Variants in NAMPT observed in about 807,000 individuals in gnomAD.
NAMPT encodes NAmPRTase.
NAMPT carries 7 observed loss-of-function variants against 58.7 expected under a neutral mutation model. The observed-to-expected ratio is 0.12, with a 90% CI of 0.07 to 0.22. The LOEUF is 0.22. NAMPT is among the 10% of genes least tolerant of loss of function. The pLI is 1.00. For missense variants in NAMPT, 271 were observed against 567.9 expected, an observed-to-expected ratio of 0.48 and a Z score of 5.31; for synonymous variants, 145 against 198.1, an observed-to-expected ratio of 0.73 and a Z score of 2.25.
At position 106,253,008 on chromosome 7, in the gene NAMPT, G is replaced by A; in HGVS notation, c.1365+9C>T. ...TTGCTTAAAAAAACCAATCAGCATA[G>A]ATACATACCTGACCATATTCCTCAA... On this transcript the variant is annotated intron_variant, in intron 10 of 10. Transcript: ENST00000222553. 2 of 1,612,218 alleles carry A rather than the reference G, an allele frequency of 1.2e-6. No individual in the cohort carries two copies. Among genetic ancestry groups the A allele is most frequent in the Non-Finnish European group, 1.7e-6 (2 of 1,178,950 alleles).
At chr7:106,251,258 A>C in intron 10 of NAMPT, 65 bp from the exon 11 acceptor site, 1 of 1,065,648 alleles carries the variant, frequency 9.4e-7, no homozygotes. Flanking sequence ...TCCTGGTTTG[A>C]TGAATTAGAC....
At chr7:106,262,839 T>C (rs1488901957) in intron 7 of NAMPT, among the ~76,000 whole-genome samples, 2 of 152,128 alleles carry the variant, frequency 1.3e-5, no homozygotes, top group African/African-American at 4.8e-5. Flanking sequence ...AATATTTTTC[T>C]AGTAGTAGGC....
chr7:106,277,196 A>G lies in NAMPT; in HGVS notation c.58-17T>C, dbSNP rs776932539. The G allele has an allele frequency of 6.3e-7, 1 of 1,598,226 alleles. No individual in the cohort carries two copies. Among genetic ancestry groups the G allele is most frequent in the South Asian group, 1.1e-5 (1 of 90,078 alleles). ...GTGAGTAACCTATGTAAAGAAATAC[A>G]CTTCTGTTAGAAAACACCGATGAGT... On this transcript the variant is annotated splice_polypyrimidine_tract_variant and intron_variant, in intron 1 of 10. Transcript: ENST00000222553.
chr7:106,256,250 A>G (rs537732794), intron 8 of NAMPT, among the ~76,000 whole-genome samples: 2 of 152,348 alleles, frequency 1.3e-5, no homozygotes, highest in South Asian at 4.1e-4. Flanking sequence ...GTCCAACACA[A>G]AAGATATTTT....
chr7:106,261,744 A>C, intron 7 of NAMPT, 37 bp from the exon 8 acceptor site: 1 of 1,582,318 alleles, frequency 6.3e-7, no homozygotes. Context: ...CAAATAACTA[A>C]AGCTGAAAAC....
intron 6 of NAMPT, among the ~76,000 whole-genome samples, chr7:106,265,358 T>C (rs868783732): frequency 7.9e-5 from 12 of 152,118 alleles, no homozygotes; most frequent in South Asian, 4.1e-4. Flanking sequence ...CCATGACACC[T>C]GAATTTTCCT....
chr7:106,281,198 T>G (rs1792757164), intron 1 of NAMPT, among the ~76,000 whole-genome samples: 1 of 151,836 alleles, frequency 6.6e-6, no homozygotes, highest in Non-Finnish European at 1.5e-5. Flanking sequence ...TAAATATCCT[T>G]GTTCCAAGTA....
At chr7:106,284,753 GC>G (rs1792836714) in intron 1 of NAMPT, 74 bp downstream of exon 1, 4 of 151,114 alleles carry the variant, frequency 2.6e-5, no homozygotes, top group Non-Finnish European at 4.3e-5. Flanking sequence ...AGCCCCAGCC[GC>G]CCCCGCCCCC....
intron 8 of NAMPT, among the ~76,000 whole-genome samples, 163 bp from the exon 9 acceptor site, chr7:106,254,667 C>T (rs1177507188): frequency 6.6e-6 from 1 of 152,060 alleles, no homozygotes; most frequent in African/African-American, 2.4e-5. Flanking sequence ...ACCCACCCAC[C>T]CCCAAAAGAT....
rs1792074962 is a variant in NAMPT at position 106,249,664 on chromosome 7, G to C, written c.*1419C>G. 1 of 152,006 alleles carries C rather than the reference G, an allele frequency of 6.6e-6. No individual in the cohort carries two copies. The highest frequency in any genetic ancestry group is 2.4e-5 in the African/African-American group (1 of 41,406). 9.4% of individuals were successfully genotyped at this position (152,006 alleles called of 1,614,324 possible). ...ATTTTGGGCTTTGCGATTCTCATTT[G>C]GCTTCTATTGCAGCTGTTTACCTTA... On this transcript the variant is annotated 3_prime_UTR_variant, in exon 11 of 11. Transcript: ENST00000222553.
Position 106,268,647 on chromosome 7 carries a change from C to T in NAMPT, c.607-47G>A, listed in dbSNP as rs202028470. Reference sequence around the variant, plus strand: ...AAAATCCAAAACAGAAAGAAACCCACATTAATAATACCAGGATGCAGCCAA... The same window carrying T: ...AAAATCCAAAACAGAAAGAAACCCATATTAATAATACCAGGATGCAGCCAA... On this transcript the variant is annotated intron_variant, in intron 5 of 10. Coordinates refer to ENST00000222553, the MANE Select transcript of NAMPT (RefSeq NM_005746.3). The T allele has an allele frequency of 1.7e-4, 238 of 1,395,926 alleles. 1 individual carries two copies. Among genetic ancestry groups the T allele is most frequent in the Middle Eastern group, 1.8e-4 (1 of 5,616 alleles). 86.5% of individuals were successfully genotyped at this position (1,395,926 alleles called of 1,614,324 possible).
chr7:106,274,122 A>G (rs1479704623), intron 3 of NAMPT, among the ~76,000 whole-genome samples: 1 of 150,580 alleles, frequency 6.6e-6, no homozygotes, highest in African/African-American at 2.5e-5. Flanking sequence ...TATAAATATA[A>G]TACAATCAAG....
upstream of NAMPT, chr7:106,285,333 C>G (rs529664046): frequency 6.2e-5 from 29 of 470,304 alleles, no homozygotes; most frequent in African/African-American, 1.1e-4. Context: ...TTCGAGTTCC[C>G]GGCACGGGCG....
At chr7:106,282,952 CA>C (rs1792794578) in intron 1 of NAMPT, among the ~76,000 whole-genome samples, 1 of 151,864 alleles carries the variant, frequency 6.6e-6, no homozygotes, top group Non-Finnish European at 1.5e-5. Context: ...GATAAAAAGA[CA>C]AAAATGTAAA....
chr7:106,263,160 ATATC>A, intron 7 of NAMPT: 2 of 486,052 alleles, frequency 4.1e-6, no homozygotes, highest in Non-Finnish European at 7.3e-6. Context: ...AGAAAACAAA[ATATC>A]TATTCAAATG....
rs903767971 is a variant in NAMPT, at chr7:106,251,679, A to G, written c.1366-486T>C. 6.6e-5 allele frequency among the ~76,000 whole-genome samples: 10 copies of G among 152,134 alleles called. 1 individual carries two copies. The highest frequency in any genetic ancestry group is 1.5e-4 in the Non-Finnish European group (10 of 67,988). ...ATTTGGGTCTAGAAAACCCACAAAA[A>G]GCCAAAAGCCAATCCCAAAACAGAA... On this transcript the variant is annotated intron_variant, in intron 10 of 10. Transcript: ENST00000222553.
At chr7:106,280,986 T>G (rs1181218935) in intron 1 of NAMPT, among the ~76,000 whole-genome samples, 3 of 151,258 alleles carry the variant, frequency 2.0e-5, no homozygotes, top group African/African-American at 7.3e-5. Flanking sequence ...GTAGTTCTTT[T>G]AACATAACTC....
chr7:106,277,524 G>C (rs1032790524), intron 1 of NAMPT, among the ~76,000 whole-genome samples: 1 of 152,188 alleles, frequency 6.6e-6, no homozygotes, highest in African/African-American at 2.4e-5. Flanking sequence ...CAACAGAAAG[G>C]AATGAACTGA....
At chr7:106,264,456 A>AT (rs1792371661) in intron 6 of NAMPT, among the ~76,000 whole-genome samples, 1 of 151,934 alleles carries the variant, frequency 6.6e-6, no homozygotes, top group Admixed American at 6.6e-5. Flanking sequence ...TGAATTTCAA[A>AT]TTTTTTCAGA....
Sources: allele counts gnomAD v4.1 joint callset (sites outside exome capture counted in the v4.1 genomes callset), GRCh38; gene constraint gnomAD v4.1.1; transcripts MANE v1.5; gene names NCBI Gene and HGNC (gene_info 2026-07-23, HGNC 2026-07-21).